ZNF44: variants seen among roughly 807,000 people sequenced by gnomAD.
ZNF44 encodes the protein zinc finger protein 44, also known as gonadotropin inducible transcription repressor-2.
In ZNF44, 9 loss-of-function variants were observed where a neutral mutation model predicts 11.7. The ratio of observed to expected loss-of-function variants is 0.77; its 90% CI spans 0.46 to 1.35. The LOEUF (loss-of-function observed/expected upper bound fraction) is 1.35, where lower values mean the gene tolerates loss of function less well. Among genes scored for constraint, ZNF44 ranks in the 40% most tolerant of loss-of-function variants. ZNF44 has a pLI of 0.00. For synonymous variants in ZNF44, 224 were observed against 242.7 expected, an observed-to-expected ratio of 0.92 and a Z score of 0.72; for missense variants, 696 against 743.1, an observed-to-expected ratio of 0.94 and a Z score of 0.74.
chr19:12,252,783 G>T (rs73002482), intron 5 of ZNF44, among the ~76,000 whole-genome samples: 1 of 149,638 alleles, frequency 6.7e-6, no homozygotes, highest in African/African-American at 2.4e-5. Flanking sequence ...AATGAAATCA[G>T]GTAAGGTAAA....
At chr19:12,274,164 A>C in intron 3 of ZNF44, 101 bp from the exon 4 acceptor site, 1 of 1,044,618 alleles carries the variant, frequency 9.6e-7, no homozygotes, top group Non-Finnish European at 1.4e-6. Context: ...GCAAGCTATA[A>C]GCTTCATGTC....
At chr19:12,256,018 CA>C (rs1917239106) in intron 5 of ZNF44, among the ~76,000 whole-genome samples, 1 of 94,568 alleles carries the variant, frequency 1.1e-5, no homozygotes, top group Non-Finnish European at 1.9e-5. Context: ...GCCTGGGCAA[CA>C]AGAGCGAAAC....
At chr19:12,228,164 A>C (rs1915997759) in intron 3 of ZNF44, among the ~76,000 whole-genome samples, 2 of 105,838 alleles carry the variant, frequency 1.9e-5, no homozygotes, top group South Asian at 5.4e-4. Context: ...CCTTCAAAAC[A>C]ATTGTTTAAC....
rs540874884 is a variant in ZNF44 at position 12,229,969 on chromosome 19, C to T, written n.436+491G>A. 2.6e-4 allele frequency among the ~76,000 whole-genome samples: 40 copies of T among 152,136 alleles called. No individual in the cohort carries two copies. The Middle Eastern group carries it at 0.01, about 39-fold the overall frequency. On this transcript the variant is annotated intron_variant and non_coding_transcript_variant, in intron 3 of 3. Coordinates refer to the ZNF44 transcript ENST00000597563. The stretch of plus-strand genomic sequence containing the variant: ...AGAGGTGCAAACTTGACACAGGGAG[C>T]GTTGGGATTTAAAGTAGAAGCAGAA...
At chr19:12,268,648 A>C (rs1182363545), downstream of ZNF44, among the ~76,000 whole-genome samples, 1 of 151,966 alleles carries the variant, frequency 6.6e-6, no homozygotes. Flanking sequence ...CAGAGGCATG[A>C]TCATAGCTCA....
intron 3 of ZNF44, among the ~76,000 whole-genome samples, chr19:12,228,318 G>A (rs555847893): frequency 6.6e-6 from 1 of 152,232 alleles, no homozygotes; most frequent in Non-Finnish European, 1.5e-5. Flanking sequence ...TTTCAGTAAA[G>A]TTTACTTTTG....
At chr19:12,267,038 T>TTTTTC (rs371129077), downstream of ZNF44, among the ~76,000 whole-genome samples, 19,684 of 147,714 alleles carry the variant, frequency 0.13, 1,380 homozygotes, top group East Asian at 0.24. Context: ...CATTTTTTCT[T>TTTTTC]TTTTCTTTTT....
At chr19:12,255,793 A>C (rs1277889348) in intron 5 of ZNF44, among the ~76,000 whole-genome samples, 1 of 152,116 alleles carries the variant, frequency 6.6e-6, no homozygotes, top group Non-Finnish European at 1.5e-5. Flanking sequence ...TAATGCCAGC[A>C]CTTCGGGAGT....
chr19:12,273,145 A>C lies in ZNF44; in HGVS notation c.1110T>G (p.Cys370Trp). The C allele has an allele frequency of 6.2e-7, 1 of 1,613,738 alleles. No individual in the cohort carries two copies. The highest frequency in any genetic ancestry group is 1.1e-5 in the South Asian group (1 of 91,078). The change falls in exon 4 of 4, where the codon TGT (cysteine) becomes TGG (tryptophan). Residue 370 changes from cysteine (C) to tryptophan (W), a missense_variant. Physicochemically the swap from Cys to Trp is radical, Grantham distance 215. Transcript: ENST00000355684. Reference sequence around the variant, plus strand: ...TTGAGCGATGAGATAACAATTTCCCACATTGCTTACATTCATAGGGTTTCT... The same window carrying C: ...TTGAGCGATGAGATAACAATTTCCCCCATTGCTTACATTCATAGGGTTTCT... ...TLEKPYECKQ[C>W]GKLLSHRSSF...
At chr19:12,247,962 T>C in exon 8 of ZNF44, 1 of 1,351,386 alleles carries the variant, frequency 7.4e-7, no homozygotes, top group Non-Finnish European at 9.8e-7. Flanking sequence ...CTCTCCAGTA[T>C]GAGTCTTTTC....
At chr19:12,235,203 A>C (rs1916335055) in intron 1 of ZNF44, among the ~76,000 whole-genome samples, 1 of 151,956 alleles carries the variant, frequency 6.6e-6, no homozygotes, top group Non-Finnish European at 1.5e-5. Context: ...CCCCATCTCT[A>C]CTAAAAATAC....
At chr19:12,236,484 G>A (rs1352397479) in intron 1 of ZNF44, among the ~76,000 whole-genome samples, 1 of 152,156 alleles carries the variant, frequency 6.6e-6, no homozygotes, top group African/African-American at 2.4e-5. Flanking sequence ...TCAGAAATAG[G>A]AAGAACTGAA....
chr19:12,248,265 C>A, exon 8 of ZNF44: 1 of 1,297,242 alleles, frequency 7.7e-7, no homozygotes, highest in Non-Finnish European at 1.0e-6. Context: ...TGCTTTTCCA[C>A]ATTCTTTACA....
At chr19:12,275,140 T>C (rs1239822861) in intron 2 of ZNF44, 107 bp from the exon 3 acceptor site, 6 of 773,256 alleles carry the variant, frequency 7.8e-6, no homozygotes, top group African/African-American at 3.6e-5. Flanking sequence ...CATTGAACTA[T>C]AGTTGACTCC....
intron 3 of ZNF44, chr19:12,226,575 T>C (rs1008517860): frequency 3.4e-4 from 52 of 152,184 alleles, no homozygotes; most frequent in African/African-American, 1.2e-3. Flanking sequence ...CAAATAACTA[T>C]ATTACCCTAA....
intron 5 of ZNF44, among the ~76,000 whole-genome samples, chr19:12,262,396 G>A (rs1344056787): frequency 3.3e-5 from 5 of 151,850 alleles, no homozygotes; most frequent in Admixed American, 1.3e-4. Context: ...TCAGCCTCCC[G>A]AGTAGCTGAG....
chr19:12,263,093 T>C (rs528607920), intron 5 of ZNF44, among the ~76,000 whole-genome samples: 19 of 152,112 alleles, frequency 1.2e-4, no homozygotes, highest in Non-Finnish European at 2.6e-4. Flanking sequence ...TCTTTTTTTT[T>C]TTTTTTCCGG....
At chr19:12,241,407 A>T (rs2145684093), upstream of ZNF44, among the ~76,000 whole-genome samples, 1 of 152,294 alleles carries the variant, frequency 6.6e-6, no homozygotes, top group African/African-American at 2.4e-5. Flanking sequence ...AAAAGAATAG[A>T]GGCCAGGCAC....
At chr19:12,233,489 C>A (rs1446434289) in intron 2 of ZNF44, among the ~76,000 whole-genome samples, 2 of 144,326 alleles carry the variant, frequency 1.4e-5, no homozygotes, top group African/African-American at 5.2e-5. Flanking sequence ...ATTGAACATA[C>A]TTGAGAAGGT....
Sources: allele counts gnomAD v4.1 joint callset (sites outside exome capture counted in the v4.1 genomes callset), GRCh38; gene constraint gnomAD v4.1.1; transcripts MANE v1.5; gene names NCBI Gene and HGNC (gene_info 2026-07-23, HGNC 2026-07-21).